Variants in ANO3 observed in about 807,000 individuals in gnomAD.
ANO3 encodes anoctamin 3.
ANO3 carries 99 observed loss-of-function variants against 144.8 expected under a neutral mutation model. That is an observed-to-expected ratio of 0.68 (90% CI 0.58 to 0.81). The LOEUF (loss-of-function observed/expected upper bound fraction) is 0.81, where lower values mean the gene tolerates loss of function less well. ANO3 is among the 30% of genes least tolerant of loss of function. ANO3 has a pLI of 0.00. For synonymous variants in ANO3, 414 were observed against 392.6 expected (o/e 1.05, Z -0.64); for missense variants, 905 against 1,202.2 (o/e 0.75, Z 3.66).
chr11:26,259,688 A>G (rs1184527190), intron 1 of ANO3, among the ~76,000 whole-genome samples: 1 of 152,086 alleles, frequency 6.6e-6, no homozygotes, highest in Non-Finnish European at 1.5e-5. Flanking sequence ...TATAAAAGTA[A>G]ATAATATTTA....
At chr11:26,293,621 CCATTAAAACGCAAAGAT>C (rs1282604139) in intron 1 of ANO3, among the ~76,000 whole-genome samples, 1 of 134,992 alleles carries the variant, frequency 7.4e-6, no homozygotes, top group Non-Finnish European at 1.6e-5. Flanking sequence ...TAGAAGAAAT[CCATTAAAACGCAAAGAT>C]CATTTTATGG....
intron 1 of ANO3, among the ~76,000 whole-genome samples, chr11:26,261,567 G>C (rs1033148658): frequency 1.8e-4 from 28 of 152,094 alleles, no homozygotes; most frequent in African/African-American, 6.8e-4. Flanking sequence ...CTACCCACCA[G>C]TGCTAGCAGC....
At chr11:26,442,836 G>A (rs535766070) in intron 2 of ANO3, among the ~76,000 whole-genome samples, 2 of 152,198 alleles carry the variant, frequency 1.3e-5, no homozygotes, top group Admixed American at 6.5e-5. Context: ...GGACGATGTC[G>A]GCTCACTGTA....
intron 8 of ANO3, among the ~76,000 whole-genome samples, chr11:26,533,185 G>A (rs1475678436): frequency 2.0e-5 from 3 of 152,082 alleles, no homozygotes; most frequent in Non-Finnish European, 2.9e-5. Context: ...TAAAATGCAC[G>A]TTTTGTAAGA....
chr11:26,563,356 T>C, intron 14 of ANO3: 1 of 1,274,078 alleles, frequency 7.8e-7, no homozygotes, highest in Non-Finnish European at 1.1e-6. Flanking sequence ...ACAAAGAATG[T>C]TTAACATTTT....
chr11:26,469,532 G>A (rs1370480915), intron 4 of ANO3, among the ~76,000 whole-genome samples: 1 of 151,854 alleles, frequency 6.6e-6, no homozygotes, highest in African/African-American at 2.4e-5. Flanking sequence ...TACTCAAACT[G>A]AATATATTGA....
At chr11:26,280,427 G>A (rs12283501) in intron 1 of ANO3, among the ~76,000 whole-genome samples, 6,014 of 152,184 alleles carry the variant, frequency 0.04, 240 homozygotes, top group African/African-American at 0.11. Context: ...GCTGAAGAGC[G>A]AGGAAGCCAG....
At chr11:26,332,075 C>A (rs1240091940), upstream of ANO3, 3 of 1,434,080 alleles carry the variant, frequency 2.1e-6, no homozygotes, top group Non-Finnish European at 2.7e-6. Context: ...GGGAGCCGGA[C>A]GCTAGACCGC....
chr11:26,231,367 T>C (rs145111525), intron 1 of ANO3, among the ~76,000 whole-genome samples: 87 of 152,312 alleles, frequency 5.7e-4, no homozygotes, highest in African/African-American at 2.0e-3. Flanking sequence ...CAGAGGCAGA[T>C]GAGTTACCAC....
At chr11:26,507,070 A>G (rs1027169548) in intron 4 of ANO3, among the ~76,000 whole-genome samples, 10 of 152,324 alleles carry the variant, frequency 6.6e-5, no homozygotes, top group East Asian at 1.9e-4. Context: ...GATGGGGTAG[A>G]TAATAGTTAT....
At chr11:26,503,056 G>A (rs1293857009) in intron 4 of ANO3, among the ~76,000 whole-genome samples, 1 of 152,070 alleles carries the variant, frequency 6.6e-6, no homozygotes, top group Non-Finnish European at 1.5e-5. Flanking sequence ...AGAAAGATCA[G>A]CTTTTCTGAA....
At position 26,517,812 on chromosome 11, in the gene ANO3, A is replaced by G. The variant is rs1565074683; in HGVS notation, c.692+885A>G. Among the ~76,000 whole-genome samples the G allele has an allele frequency of 2.6e-5, 4 of 152,202 alleles. No homozygotes were observed. In the South Asian group the frequency reaches 8.3e-4, roughly 32 times the overall value. On this transcript the variant is annotated intron_variant, in intron 6 of 26. Transcript: ENST00000256737. ...CTCAAATATTGTGACAAGCCTCTAC[A>G]GTATTCAACGTAAAATGTGAGGTAT...
chr11:26,578,061 A>C (rs1851036709), intron 14 of ANO3, among the ~76,000 whole-genome samples: 4 of 152,236 alleles, frequency 2.6e-5, no homozygotes, highest in Admixed American at 6.5e-5. Flanking sequence ...CGAGTAGGAG[A>C]AAACAGTTTT....
At chr11:26,634,500 T>A (rs1374098515) in intron 19 of ANO3, among the ~76,000 whole-genome samples, 185 bp downstream of exon 19, 5 of 152,176 alleles carry the variant, frequency 3.3e-5, no homozygotes, top group Non-Finnish European at 7.4e-5. Context: ...AGTAACAATT[T>A]TGTTAAAGAA....
intron 1 of ANO3, among the ~76,000 whole-genome samples, chr11:26,367,108 A>C: frequency 6.6e-6 from 1 of 152,226 alleles, no homozygotes; most frequent in South Asian, 2.1e-4. Flanking sequence ...AAATTAATTC[A>C]AGATGGATTA....
chr11:26,553,167 A>T, intron 12 of ANO3, 82 bp from the exon 13 acceptor site: 1 of 1,007,828 alleles, frequency 9.9e-7, no homozygotes, highest in Non-Finnish European at 1.5e-6. Flanking sequence ...TTCCAACAGG[A>T]TTTGCTGTAG....
intron 1 of ANO3, among the ~76,000 whole-genome samples, chr11:26,263,236 G>T (rs1249451102): frequency 6.6e-6 from 1 of 152,128 alleles, no homozygotes; most frequent in Non-Finnish European, 1.5e-5. Flanking sequence ...GTAGTTATGT[G>T]CAAACCAATG....
At chr11:26,464,119 A>C (rs1335101783) in intron 4 of ANO3, among the ~76,000 whole-genome samples, 1 of 151,904 alleles carries the variant, frequency 6.6e-6, no homozygotes, top group Admixed American at 6.6e-5. Flanking sequence ...CCAGTGTGTT[A>C]GTAAATAAAT....
chr11:26,501,637 C>T (rs1357274572), intron 4 of ANO3, among the ~76,000 whole-genome samples: 2 of 152,104 alleles, frequency 1.3e-5, no homozygotes, highest in Non-Finnish European at 2.9e-5. Context: ...TTGCAGGACA[C>T]CATAAATTGG....
Sources: gnomAD v4.1 joint callset for allele counts (sites outside exome capture counted in the v4.1 genomes callset) on GRCh38, gnomAD v4.1.1 for gene constraint, MANE v1.5 for transcripts, NCBI Gene and HGNC (gene_info 2026-07-23, HGNC 2026-07-21) for gene names.